TMEM117: variants seen among roughly 807,000 people sequenced by gnomAD.
TMEM117 encodes transmembrane protein 117.
A neutral mutation model predicts 52.4 loss-of-function variants in TMEM117; 27 were observed. The observed-to-expected ratio is 0.51, with a 90% CI of 0.38 to 0.71. The LOEUF (loss-of-function observed/expected upper bound fraction) is 0.71, where lower values mean the gene tolerates loss of function less well. Ranked by LOEUF, TMEM117 falls within the 30% of genes least tolerant of loss-of-function variation. The probability of loss-of-function intolerance (pLI) is 0.00; values close to 1 mark genes in which losing one functional copy is unlikely to be tolerated. For missense variants in TMEM117, 556 were observed against 630.5 expected, an observed-to-expected ratio of 0.88 and a Z score of 1.26; for synonymous variants, 215 against 206.3, an observed-to-expected ratio of 1.04 and a Z score of -0.36.
Position 44,365,751 on chromosome 12 carries a change from T to TTTATTATTA in TMEM117, c.769-10830_769-10822dup, listed in dbSNP as rs537506360. On this transcript the variant is annotated intron_variant, in intron 6 of 7. Transcript: ENST00000266534. Reference sequence around the variant, plus strand: ...GTCAATCTCCTATAAAGGATTTTCTTTTATTATTATTATTATTATTATACT... The same window carrying TTTATTATTA: ...GTCAATCTCCTATAAAGGATTTTCTTTTATTATTATTATTATTATTATTATTATTATACT... Among the ~76,000 whole-genome samples the TTTATTATTA allele has an allele frequency of 5.9e-5, 9 of 151,374 alleles. No individual in the cohort carries two copies. The South Asian group carries it at 1.7e-3, about 28-fold the overall frequency.
intron 3 of TMEM117, among the ~76,000 whole-genome samples, chr12:44,078,848 A>C (rs913360384): frequency 2.5e-4 from 37 of 150,872 alleles, no homozygotes; most frequent in Admixed American, 5.3e-4. Context: ...TTCTAATGCT[A>C]TCCCTCCCCT....
At chr12:43,945,109 C>CTAAA (rs71091187) in intron 3 of TMEM117, among the ~76,000 whole-genome samples, 17,183 of 141,652 alleles carry the variant, frequency 0.12, 1,734 homozygotes, top group African/African-American at 0.27. Context: ...GACTCCGTCT[C>CTAAA]TAAATAAATA....
At chr12:44,182,598 A>C (rs549262639) in intron 4 of TMEM117, among the ~76,000 whole-genome samples, 1 of 152,360 alleles carries the variant, frequency 6.6e-6, no homozygotes, top group East Asian at 1.9e-4. Context: ...CCAATATCAT[A>C]CTGAAAGAAC....
At chr12:44,361,787 CA>C (rs1951724803) in intron 6 of TMEM117, among the ~76,000 whole-genome samples, 1 of 151,738 alleles carries the variant, frequency 6.6e-6, no homozygotes, top group Non-Finnish European at 1.5e-5. Context: ...GAGTTACATA[CA>C]CAAAAAAAAA....
At chr12:44,179,515 T>C (rs1483647518) in intron 4 of TMEM117, among the ~76,000 whole-genome samples, 2 of 152,214 alleles carry the variant, frequency 1.3e-5, no homozygotes, top group Non-Finnish European at 2.9e-5. Context: ...AAGCCAAGTG[T>C]CCAGCATGGC....
chr12:44,381,803 C>T (rs1952024543), intron 7 of TMEM117, among the ~76,000 whole-genome samples: 1 of 151,990 alleles, frequency 6.6e-6, no homozygotes, highest in Non-Finnish European at 1.5e-5. Flanking sequence ...CAAATGAGTT[C>T]CCAGAGACTG....
rs915869334 is a variant in TMEM117 at position 43,931,840 on chromosome 12, C to T, written c.278-12370C>T. On this transcript the variant is annotated intron_variant, in intron 2 of 7. Transcript: ENST00000266534. The stretch of plus-strand genomic sequence containing the variant: ...AAGAGATACAATAGTTTAAGGACAA[C>T]TTTACATTCTTTGAAGGGTCCTGAT... 2.6e-5 allele frequency among the ~76,000 whole-genome samples: 4 copies of T among 152,188 alleles called. No individual in the cohort carries two copies. The South Asian group carries it at 8.3e-4, about 31-fold the overall frequency.
chr12:44,250,712 A>G (rs1055403920), intron 5 of TMEM117, among the ~76,000 whole-genome samples: 15 of 152,340 alleles, frequency 9.8e-5, no homozygotes, highest in Admixed American at 5.9e-4. Flanking sequence ...GCTGGAAGCC[A>G]TCATTCTCAG....
chr12:44,258,339 A>G (rs1209005808), intron 5 of TMEM117, among the ~76,000 whole-genome samples: 1 of 152,138 alleles, frequency 6.6e-6, no homozygotes. Context: ...CCGTGGCCTC[A>G]TTGAGTAATG....
At chr12:44,127,043 A>G (rs972797030) in intron 3 of TMEM117, among the ~76,000 whole-genome samples, 2 of 152,372 alleles carry the variant, frequency 1.3e-5, no homozygotes, top group East Asian at 3.9e-4. Context: ...ATATTCAAGT[A>G]TGAGTAAGTC....
intron 5 of TMEM117, among the ~76,000 whole-genome samples, chr12:44,216,528 G>A (rs1008509725): frequency 1.3e-5 from 2 of 152,152 alleles, no homozygotes; most frequent in African/African-American, 4.8e-5. Flanking sequence ...TAGAAATGGG[G>A]CGCTGCCATA....
At chr12:43,798,654 C>G in the TMEM117 span, 2 of 1,429,186 alleles carry the variant, frequency 1.4e-6, no homozygotes, top group Admixed American at 5.2e-5. Context: ...AAAAGCCCTA[C>G]TCAAATAATA....
chr12:44,248,633 G>T, intron 5 of TMEM117: 1 of 162,082 alleles, frequency 6.2e-6, no homozygotes, highest in South Asian at 1.7e-4. Context: ...CTCCTCCCGT[G>T]AGAAGTCCTC....
chr12:43,963,801 A>G (rs1004170065), intron 3 of TMEM117, among the ~76,000 whole-genome samples: 8 of 152,226 alleles, frequency 5.3e-5, no homozygotes, highest in Non-Finnish European at 8.8e-5. Context: ...TAGCAATAAG[A>G]TGGAGCTAAA....
chr12:44,025,583 G>A (rs1946520637), intron 3 of TMEM117, among the ~76,000 whole-genome samples: 2 of 152,110 alleles, frequency 1.3e-5, no homozygotes, highest in African/African-American at 2.4e-5. Flanking sequence ...CTTTTTATAA[G>A]TTTAGGAACA....
intron 6 of TMEM117, among the ~76,000 whole-genome samples, chr12:44,323,227 A>G (rs1001493070): frequency 6.6e-6 from 1 of 152,108 alleles, no homozygotes; most frequent in Non-Finnish European, 1.5e-5. Flanking sequence ...CCCATTTTGA[A>G]CTTTTGTCCT....
At chr12:43,839,432 C>T (rs1056588489) in intron 1 of TMEM117, among the ~76,000 whole-genome samples, 5 of 152,160 alleles carry the variant, frequency 3.3e-5, no homozygotes, top group Non-Finnish European at 5.9e-5. Flanking sequence ...CCCTCCTTAA[C>T]GATCCTTAAT....
At chr12:43,830,087 CAAA>C in the TMEM117 span, among the ~76,000 whole-genome samples, 13 of 72,502 alleles carry the variant, frequency 1.8e-4, no homozygotes, top group Admixed American at 3.0e-4. Flanking sequence ...GACTCTGTCT[CAAA>C]AAAAAAAAAA....
chr12:43,877,592 G>T (rs1192584864), intron 2 of TMEM117, among the ~76,000 whole-genome samples: 1 of 149,596 alleles, frequency 6.7e-6, no homozygotes, highest in African/African-American at 2.5e-5. Flanking sequence ...CAGAGATCGT[G>T]TCACTGCACT....
Sources: allele counts gnomAD v4.1 joint callset (sites outside exome capture counted in the v4.1 genomes callset), GRCh38; gene constraint gnomAD v4.1.1; transcripts MANE v1.5; gene names NCBI Gene and HGNC (gene_info 2026-07-23, HGNC 2026-07-21).